The following AFM variants were observed in gnomAD, a reference collection of about 807,000 sequenced individuals.
AFM encodes alpha-Alb.
In AFM, 82 loss-of-function variants were observed where a neutral mutation model predicts 68.7. That is an observed-to-expected ratio of 1.19 (90% CI 1.00 to 1.43). AFM has a LOEUF of 1.43. Among genes scored for constraint, AFM ranks in the 40% most tolerant of loss-of-function variants. The probability of loss-of-function intolerance (pLI) is 0.00; values close to 1 mark genes in which losing one functional copy is unlikely to be tolerated. For synonymous variants in AFM, 250 were observed against 234.2 expected, an observed-to-expected ratio of 1.07 and a Z score of -0.61; for missense variants, 772 against 701.8, an observed-to-expected ratio of 1.10 and a Z score of -1.13.
chr4:73,495,210 A>G, intron 8 of AFM, 90 bp from the exon 9 acceptor site: 1 of 1,180,790 alleles, frequency 8.5e-7, no homozygotes, highest in Non-Finnish European at 1.1e-6. Context: ...AAGCAGAGTC[A>G]GTATTAGATC....
chr4:73,481,825 C>T lies in AFM; in HGVS notation c.50C>T (p.Thr17Ile). 6.2e-7 allele frequency: 1 copy of T among 1,607,858 alleles called. No homozygotes were observed. Among genetic ancestry groups the T allele is most frequent in the South Asian group, 1.1e-5 (1 of 89,630 alleles). ...TTTATTTTTTTCTTGTTTTTTTTGA[C>T]TGAATCCCTAACCCTGCCCACACAA... ...TGFIFFLFFL[T>I]ESLTLPTQPR... Residue 17 changes from threonine to isoleucine, a missense_variant, in exon 1 of 15, where the codon ACT becomes ATT. Physicochemically the swap from Thr to Ile is moderately conservative, Grantham distance 89 (BLOSUM62 -1). Coordinates refer to ENST00000226355, the MANE Select transcript of AFM (RefSeq NM_001133.2).
chr4:73,484,466 C>CTTTCTTTCTT (rs1553893976), intron 3 of AFM, 76 bp downstream of exon 3: 1 of 526,592 alleles, frequency 1.9e-6, no homozygotes, highest in South Asian at 4.7e-5. Flanking sequence ...TTCTTTCTTT[C>CTTTCTTTCTT]TTTCTTTCTT....
chr4:73,489,703 C>T (rs749657029), intron 7 of AFM, among the ~76,000 whole-genome samples: 21 of 152,202 alleles, frequency 1.4e-4, no homozygotes, highest in Non-Finnish European at 2.6e-4. Context: ...AGTATTGGTA[C>T]GAATATTGTT....
intron 3 of AFM, among the ~76,000 whole-genome samples, 177 bp downstream of exon 3, chr4:73,484,567 C>T (rs576713962): frequency 1.7e-4 from 26 of 149,126 alleles, no homozygotes; most frequent in African/African-American, 6.2e-4. Flanking sequence ...AACAGAGTCT[C>T]GCTCTGTCAC....
At chr4:73,503,848 T>G (rs1329505479) in intron 14 of AFM, 28 bp from the exon 15 acceptor site, 2 of 152,136 alleles carry the variant, frequency 1.3e-5, no homozygotes, top group Admixed American at 6.6e-5. Flanking sequence ...GTTTTTTTGA[T>G]GCATGAAATA....
At chr4:73,488,809 A>AT (rs769964738) in intron 7 of AFM, 50 bp downstream of exon 7, 516 of 1,563,528 alleles carry the variant, frequency 3.3e-4, no homozygotes, top group Non-Finnish European at 4.2e-4. Context: ...GGCAATTATC[A>AT]TTTTTTTATT....
intron 1 of AFM, 94 bp from the exon 2 acceptor site, chr4:73,483,847 G>A: frequency 1.9e-6 from 2 of 1,070,270 alleles, no homozygotes; most frequent in Non-Finnish European, 2.6e-6. Flanking sequence ...GGTCTATTTT[G>A]TATTTTATAC....
At chr4:73,498,477 G>A (rs1467016560) in intron 10 of AFM, among the ~76,000 whole-genome samples, 1 of 152,050 alleles carries the variant, frequency 6.6e-6, no homozygotes, top group Non-Finnish European at 1.5e-5. Context: ...GGTAGAGATG[G>A]CGTTTTGCCA....
chr4:73,493,212 T>C lies in AFM; in HGVS notation c.1058+1126T>C, dbSNP rs150508388. On this transcript the variant is annotated intron_variant, in intron 8 of 14. Coordinates refer to ENST00000226355, the MANE Select transcript of AFM (RefSeq NM_001133.2). ...GTGAGAGGTAGGTGGGGCCAGATCATGCAGGCATGCTAAGTAATGGGATGC... is the reference window on the plus strand; with the variant it reads ...GTGAGAGGTAGGTGGGGCCAGATCACGCAGGCATGCTAAGTAATGGGATGC... Among the ~76,000 whole-genome samples, 151 of 152,294 alleles carry C rather than the reference T, an allele frequency of 9.9e-4. 3 individuals carry two copies. In the East Asian group the frequency reaches 0.02, roughly 21 times the overall value.
intron 9 of AFM, among the ~76,000 whole-genome samples, chr4:73,496,681 T>G (rs1292448565): frequency 6.6e-6 from 1 of 152,180 alleles, no homozygotes; most frequent in Admixed American, 6.6e-5. Flanking sequence ...ATTTTTAAAT[T>G]GTTAAATTTT....
At chr4:73,484,470 CTTTCTTTCTT>C in intron 3 of AFM, 80 bp downstream of exon 3, 1 of 551,556 alleles carries the variant, frequency 1.8e-6, no homozygotes, top group African/African-American at 2.1e-5. Context: ...TTCTTTCTTT[CTTTCTTTCTT>C]TCTTTCTTTC....
chr4:73,492,180 C>T (rs976064008), intron 8 of AFM, 94 bp downstream of exon 8: 15 of 1,117,188 alleles, frequency 1.3e-5, no homozygotes, highest in African/African-American at 3.2e-5. Context: ...GACATGGTAC[C>T]GTTTATTTCA....
Position 73,500,090 on chromosome 4 carries a change from T to G in AFM, c.1509T>G (p.Phe503Leu). 1.9e-6 allele frequency: 3 copies of G among 1,614,080 alleles called. No individual in the cohort carries two copies. The highest frequency in any genetic ancestry group is 2.5e-6 in the Non-Finnish European group (3 of 1,179,956). Reference protein sequence around the residue: ...PAVDHCCKTNFAFRRPCFESL... With the variant: ...PAVDHCCKTNLAFRRPCFESL... ...TGGACCACTGCTGTAAAACAAACTT[T>G]GCCTTCAGAAGGCCCTGCTTTGAGA... The change falls in exon 12 of 15, where the codon TTT becomes TTG. Residue 503 changes from phenylalanine to leucine, a missense_variant. By Grantham distance (22) the Phe-to-Leu change is conservative. Coordinates refer to ENST00000226355, the MANE Select transcript of AFM (RefSeq NM_001133.2).
intron 7 of AFM, among the ~76,000 whole-genome samples, chr4:73,490,544 T>C (rs1460979109): frequency 6.6e-6 from 1 of 152,212 alleles, no homozygotes; most frequent in Non-Finnish European, 1.5e-5. Context: ...CTCAGCCTCC[T>C]GAGTAGCTGG....
intron 12 of AFM, among the ~76,000 whole-genome samples, chr4:73,500,642 C>T (rs994155724): frequency 1.3e-5 from 2 of 152,116 alleles, no homozygotes; most frequent in East Asian, 3.9e-4. Flanking sequence ...GAAATTAGAC[C>T]TAGTTTTTTG....
chr4:73,487,726 A>C lies in AFM; in HGVS notation c.618A>C (p.Ala206=), dbSNP rs771095468. 6.2e-6 allele frequency: 10 copies of C among 1,603,818 alleles called. No individual in the cohort carries two copies. The highest frequency in any genetic ancestry group is 5.0e-5 in the Admixed American group (3 of 59,746). ...AGAATTTTCTCTTTCTTCTTCAGGCAATACCTGTCACACAATATTTAAAAG... is the reference window on the plus strand; with the variant it reads ...AGAATTTTCTCTTTCTTCTTCAGGCCATACCTGTCACACAATATTTAAAAG... The part of the protein sequence containing the change: ...QNKVNCLQTR[A]IPVTQYLKAF... The change falls in exon 6 of 15, where the codon GCA becomes GCC. Residue 206 remains alanine (A), a splice_region_variant and synonymous_variant. Transcript: ENST00000226355.
intron 10 of AFM, among the ~76,000 whole-genome samples, chr4:73,498,089 T>C (rs1484831132): frequency 6.6e-6 from 1 of 152,176 alleles, no homozygotes. Context: ...TACAGTTTCT[T>C]TGGGGAAGAG....
In AFM at chr4:73,483,978, T is replaced by C. The variant is rs1720783923; in HGVS notation, c.126T>C (p.Asn42=). Residue 42 remains asparagine, a synonymous_variant, in exon 2 of 15, where the codon AAT becomes AAC. Coordinates refer to ENST00000226355, the MANE Select transcript of AFM (RefSeq NM_001133.2). ...GTACTCAAAAATTTATAGAAGATAA[T>C]ATTGAATACATGTGAGTTGTGCTAA... ...FNSTQKFIED[N]IEYITIIAFA... is the part of the protein sequence containing the mutation. The C allele has an allele frequency of 2.0e-6, 3 of 1,528,886 alleles. No homozygotes were observed. Among genetic ancestry groups the C allele is most frequent in the Non-Finnish European group, 2.7e-6 (3 of 1,116,326 alleles). 94.7% of individuals were successfully genotyped at this position (1,528,886 alleles called of 1,614,324 possible).
At chr4:73,491,801 A>G (rs559792673) in intron 7 of AFM, 71 bp from the exon 8 acceptor site, 1 of 1,236,508 alleles carries the variant, frequency 8.1e-7, no homozygotes, top group Non-Finnish European at 1.2e-6. Context: ...CTGGTTTTGC[A>G]TGCCATCATT....
Sources: gnomAD v4.1 joint callset for allele counts (sites outside exome capture counted in the v4.1 genomes callset) on GRCh38, gnomAD v4.1.1 for gene constraint, MANE v1.5 for transcripts, NCBI Gene and HGNC (gene_info 2026-07-23, HGNC 2026-07-21) for gene names.